The following RNF180 variants were observed in gnomAD, a reference collection of about 807,000 sequenced individuals.
The protein encoded by RNF180 is E3 ubiquitin-protein ligase RNF180.
A neutral mutation model predicts 59.2 loss-of-function variants in RNF180; 38 were observed. The observed-to-expected ratio is 0.64, with a 90% CI of 0.50 to 0.84. The LOEUF (loss-of-function observed/expected upper bound fraction) is 0.84, where lower values mean the gene tolerates loss of function less well. Ranked by LOEUF, RNF180 falls within the 40% of genes least tolerant of loss-of-function variation. RNF180 has a pLI of 0.00. For missense variants in RNF180, 705 were observed against 700.9 expected, an observed-to-expected ratio of 1.01 and a Z score of -0.07; for synonymous variants, 262 against 240.3, an observed-to-expected ratio of 1.09 and a Z score of -0.84.
At chr5:64,306,613 GC>G (rs1743474712) in intron 5 of RNF180, among the ~76,000 whole-genome samples, 1 of 151,710 alleles carries the variant, frequency 6.6e-6, no homozygotes, top group South Asian at 2.1e-4. Context: ...AGAAAACATG[GC>G]ACATACACAC....
chr5:64,364,071 C>A (rs1746357282), intron 7 of RNF180, among the ~76,000 whole-genome samples: 1 of 151,694 alleles, frequency 6.6e-6, no homozygotes. Flanking sequence ...TTTGGATGCT[C>A]TTTCTTTCTT....
intron 5 of RNF180, among the ~76,000 whole-genome samples, chr5:64,235,691 T>G (rs1742394119): frequency 6.6e-6 from 1 of 152,106 alleles, no homozygotes; most frequent in African/African-American, 2.4e-5. Flanking sequence ...GGGAGGGGAT[T>G]ACAGGGTGGG....
chr5:64,269,405 T>C (rs1351570655), intron 5 of RNF180, among the ~76,000 whole-genome samples: 1 of 152,164 alleles, frequency 6.6e-6, no homozygotes, highest in African/African-American at 2.4e-5. Context: ...TTTCCCGTGA[T>C]AGCTTTGTCA....
chr5:64,286,489 G>T (rs1000079297), intron 5 of RNF180, among the ~76,000 whole-genome samples: 1 of 152,150 alleles, frequency 6.6e-6, no homozygotes, highest in South Asian at 2.1e-4. Flanking sequence ...AATAGATAAG[G>T]GGGAACAATT....
chr5:64,327,628 C>A (rs1330589308), intron 6 of RNF180, among the ~76,000 whole-genome samples: 3 of 152,172 alleles, frequency 2.0e-5, no homozygotes, highest in African/African-American at 7.2e-5. Context: ...CCATTGTGAC[C>A]AAATAAGCTA....
chr5:64,229,238 T>C (rs1741969109), intron 5 of RNF180, among the ~76,000 whole-genome samples: 1 of 152,134 alleles, frequency 6.6e-6, no homozygotes, highest in African/African-American at 2.4e-5. Flanking sequence ...AACTTTCTAC[T>C]AAAAAATAAT....
chr5:64,322,884 A>G (rs1580250618), intron 5 of RNF180, among the ~76,000 whole-genome samples: 1 of 152,224 alleles, frequency 6.6e-6, no homozygotes, highest in South Asian at 2.1e-4. Flanking sequence ...TTCAGTGTAT[A>G]CTGCTCAGGT....
At chr5:64,240,076 C>G (rs1479394905) in intron 5 of RNF180, among the ~76,000 whole-genome samples, 1 of 152,068 alleles carries the variant, frequency 6.6e-6, no homozygotes, top group Non-Finnish European at 1.5e-5. Flanking sequence ...AACTGAGGAA[C>G]CAAATAGATT....
chr5:64,339,631 G>A (rs1339183860), intron 7 of RNF180, among the ~76,000 whole-genome samples: 3 of 151,820 alleles, frequency 2.0e-5, no homozygotes, highest in Non-Finnish European at 4.4e-5. Flanking sequence ...GGTGGAAAGG[G>A]GGATCTTATG....
chr5:64,259,806 A>T (rs1436127822), intron 5 of RNF180, among the ~76,000 whole-genome samples: 1 of 152,028 alleles, frequency 6.6e-6, no homozygotes, highest in Non-Finnish European at 1.5e-5. Flanking sequence ...CTATAATCCC[A>T]GCTACTCGGG....
chr5:64,190,838 A>T (rs1054268375), intron 1 of RNF180, among the ~76,000 whole-genome samples: 1 of 152,148 alleles, frequency 6.6e-6, no homozygotes, highest in African/African-American at 2.4e-5. Flanking sequence ...CCCTACCAAC[A>T]TCTTAATTTT....
chr5:64,223,950 A>G (rs1298577325), intron 5 of RNF180, among the ~76,000 whole-genome samples: 1 of 152,134 alleles, frequency 6.6e-6, no homozygotes, highest in Non-Finnish European at 1.5e-5. Flanking sequence ...AGTTTACTTA[A>G]TATGGGATTG....
At chr5:64,354,857 C>T (rs1004125399) in intron 7 of RNF180, among the ~76,000 whole-genome samples, 2 of 151,734 alleles carry the variant, frequency 1.3e-5, no homozygotes, top group Non-Finnish European at 2.9e-5. Context: ...GAAAAGCATT[C>T]GACAAAATCT....
chr5:64,318,595 T>C (rs913094627), intron 5 of RNF180, among the ~76,000 whole-genome samples: 1 of 152,166 alleles, frequency 6.6e-6, no homozygotes, highest in Non-Finnish European at 1.5e-5. Context: ...AAATTTTCAT[T>C]TACTTTATAC....
At chr5:64,330,813 CCAGGAA>C (rs1744873182) in intron 7 of RNF180, among the ~76,000 whole-genome samples, 3 of 152,240 alleles carry the variant, frequency 2.0e-5, no homozygotes, top group Admixed American at 2.0e-4. Flanking sequence ...CTGGCAGGAG[CCAGGAA>C]CAGGTGGGAG....
At chr5:64,316,965 A>G (rs866588879) in intron 5 of RNF180, among the ~76,000 whole-genome samples, 1 of 152,214 alleles carries the variant, frequency 6.6e-6, no homozygotes, top group South Asian at 2.1e-4. Context: ...GGACCCAGAT[A>G]TATGAAAAGT....
chr5:64,370,028 C>A lies in RNF180; in HGVS notation c.*214C>A. On this transcript the variant is annotated 3_prime_UTR_variant, in exon 8 of 8. Transcript: ENST00000389100. ...AGCTAACCTACCCAGCACTTAGCAA[C>A]AATGCACTATTAATTTCATAGTTGT... The A allele has an allele frequency of 2.9e-6, 1 of 340,474 alleles. No individual in the cohort carries two copies. The highest frequency in any genetic ancestry group is 5.3e-6 in the Non-Finnish European group (1 of 189,800). The allele number at this position is 340,474 out of a possible 1,614,324, so 21.1% of individuals were successfully genotyped here.
chr5:64,341,339 A>G (rs1159680886), intron 7 of RNF180, among the ~76,000 whole-genome samples: 1 of 152,190 alleles, frequency 6.6e-6, no homozygotes, highest in Non-Finnish European at 1.5e-5. Flanking sequence ...AAGATGACTG[A>G]TACTGGATTT....
chr5:64,255,627 C>T lies in RNF180; in HGVS notation c.1227+38231C>T, dbSNP rs542235728. 8.9e-4 allele frequency among the ~76,000 whole-genome samples: 135 copies of T among 152,268 alleles called. 1 individual carries two copies. The highest frequency in any genetic ancestry group is 1.2e-3 in the Non-Finnish European group (81 of 68,030). On this transcript the variant is annotated intron_variant, in intron 5 of 7. Coordinates refer to ENST00000389100, the MANE Select transcript of RNF180 (RefSeq NM_001113561.2). Reference sequence around the variant, plus strand: ...TTGGACATTTGGGTTGGTTCCAAGTCTTTGCTATTGTGAATAGTGCCACAA... The same window carrying T: ...TTGGACATTTGGGTTGGTTCCAAGTTTTTGCTATTGTGAATAGTGCCACAA...
Sources: gnomAD v4.1 joint callset for allele counts (sites outside exome capture counted in the v4.1 genomes callset) on GRCh38, gnomAD v4.1.1 for gene constraint, MANE v1.5 for transcripts, NCBI Gene and HGNC (gene_info 2026-07-23, HGNC 2026-07-21) for gene names.